ZSCAN5A: variants seen among roughly 807,000 people sequenced by gnomAD.
ZSCAN5A encodes zinc finger and SCAN domain containing 5A, also known as zinc finger and SCAN domain-containing protein 5A.
Under a neutral mutation model 23.7 loss-of-function variants are expected in ZSCAN5A, and 12 were observed. The ratio of observed to expected loss-of-function variants is 0.51; its 90% CI spans 0.32 to 0.82. The LOEUF (loss-of-function observed/expected upper bound fraction) is 0.82. ZSCAN5A is among the 40% of genes least tolerant of loss of function. The pLI, the probability that ZSCAN5A is intolerant of heterozygous loss-of-function variation, is 0.03. For synonymous variants in ZSCAN5A, 257 were observed against 239.9 expected, an observed-to-expected ratio of 1.07 and a Z score of -0.66; for missense variants, 597 against 617.9, an observed-to-expected ratio of 0.97 and a Z score of 0.36.
intron 2 of ZSCAN5A, among the ~76,000 whole-genome samples, chr19:56,231,781 GC>G (rs1308184011): frequency 6.6e-6 from 1 of 152,070 alleles, no homozygotes; most frequent in Admixed American, 6.6e-5. Flanking sequence ...TGGTTCCTGT[GC>G]CTGCATGTCC....
At chr19:56,266,942 C>T (rs2037520720) in intron 2 of ZSCAN5A, among the ~76,000 whole-genome samples, 1 of 152,166 alleles carries the variant, frequency 6.6e-6, no homozygotes, top group South Asian at 2.1e-4. Flanking sequence ...CCTCTCCTCC[C>T]TCCACATTCC....
At chr19:56,324,186 A>C (rs1280198744) in intron 2 of ZSCAN5A, among the ~76,000 whole-genome samples, 2 of 152,124 alleles carry the variant, frequency 1.3e-5, no homozygotes, top group African/African-American at 4.8e-5. Flanking sequence ...CATGAGATCC[A>C]TGTTTTTAGC....
intron 2 of ZSCAN5A, among the ~76,000 whole-genome samples, chr19:56,227,509 G>GA (rs1279392304): frequency 1.3e-5 from 2 of 152,054 alleles, no homozygotes; most frequent in African/African-American, 4.8e-5. Flanking sequence ...CTCTAAAAAA[G>GA]AAAGTGGTTT....
intron 2 of ZSCAN5A, among the ~76,000 whole-genome samples, chr19:56,238,365 G>A (rs1347807603): frequency 6.6e-6 from 1 of 152,068 alleles, no homozygotes; most frequent in East Asian, 1.9e-4. Flanking sequence ...CCATGAATAG[G>A]GATATGTAAA....
chr19:56,244,114 G>T, intron 2 of ZSCAN5A: 1 of 1,544,190 alleles, frequency 6.5e-7, no homozygotes, highest in South Asian at 1.1e-5. Context: ...AGCCGCCACA[G>T]TCTGTGGCTT....
At chr19:56,355,531 A>G (rs936993635) in intron 2 of ZSCAN5A, among the ~76,000 whole-genome samples, 9 of 149,028 alleles carry the variant, frequency 6.0e-5, no homozygotes, top group Admixed American at 1.3e-4. Flanking sequence ...ACAAGAAAAT[A>G]CTGGAAAAAC....
At chr19:56,326,793 T>C (rs2041438733) in intron 2 of ZSCAN5A, among the ~76,000 whole-genome samples, 1 of 152,126 alleles carries the variant, frequency 6.6e-6, no homozygotes, top group Non-Finnish European at 1.5e-5. Flanking sequence ...ATATGCAACA[T>C]ATTGATGCGC....
chr19:56,343,037 C>A (rs982928285), intron 2 of ZSCAN5A: 2 of 810,718 alleles, frequency 2.5e-6, no homozygotes, highest in Non-Finnish European at 4.4e-6. Flanking sequence ...TTCTTTCCCC[C>A]AGAACTGTCA....
chr19:56,365,382 C>G (rs1310263890), intron 1 of ZSCAN5A, among the ~76,000 whole-genome samples: 2 of 152,148 alleles, frequency 1.3e-5, no homozygotes, highest in Admixed American at 1.3e-4. Context: ...TCTGGGTTGG[C>G]AGGAAGTTTC....
At chr19:56,272,238 GT>G (rs1212243709) in intron 2 of ZSCAN5A, among the ~76,000 whole-genome samples, 1 of 152,174 alleles carries the variant, frequency 6.6e-6, no homozygotes, top group African/African-American at 2.4e-5. Context: ...TTGCTTTGTT[GT>G]TTTTCTGAAA....
At chr19:56,295,503 G>A (rs925848458) in intron 2 of ZSCAN5A, among the ~76,000 whole-genome samples, 12 of 152,098 alleles carry the variant, frequency 7.9e-5, no homozygotes, top group African/African-American at 2.9e-4. Context: ...GCTGAGGCAG[G>A]AGAATCGCTT....
intron 2 of ZSCAN5A, among the ~76,000 whole-genome samples, chr19:56,362,409 A>C (rs1439059024): frequency 2.6e-5 from 4 of 151,912 alleles, no homozygotes; most frequent in Non-Finnish European, 5.9e-5. Context: ...CTCTACTGAC[A>C]GTACAAAGAA....
At chr19:56,234,305 A>G (rs2034701050) in intron 2 of ZSCAN5A, among the ~76,000 whole-genome samples, 1 of 152,210 alleles carries the variant, frequency 6.6e-6, no homozygotes, top group Non-Finnish European at 1.5e-5. Flanking sequence ...TCAGGTCATA[A>G]AAAGAAAAGA....
At chr19:56,314,318 A>C (rs2041228237) in intron 1 of ZSCAN5A, 1 of 152,226 alleles carries the variant, frequency 6.6e-6, no homozygotes, top group Non-Finnish European at 1.5e-5. Context: ...GACCTAGTTA[A>C]CCTGGCGACA....
chr19:56,304,834 T>C (rs2040578400), intron 2 of ZSCAN5A: 2 of 983,616 alleles, frequency 2.0e-6, no homozygotes, highest in African/African-American at 3.5e-5. Context: ...ACATCAGGTA[T>C]GCTATGGCAG....
intron 2 of ZSCAN5A, chr19:56,320,595 A>G (rs2041365385): frequency 3.4e-6 from 2 of 585,496 alleles, no homozygotes; most frequent in Admixed American, 2.2e-5. Flanking sequence ...CTGGGTGACA[A>G]GAGCGAAATT....
chr19:56,366,238 C>A (rs1018177728), intron 1 of ZSCAN5A, among the ~76,000 whole-genome samples: 3 of 151,868 alleles, frequency 2.0e-5, no homozygotes, highest in African/African-American at 4.8e-5. Context: ...GGTCAGAGAT[C>A]GAGACCATCC....
intron 2 of ZSCAN5A, among the ~76,000 whole-genome samples, chr19:56,328,163 A>G (rs950505363): frequency 1.3e-5 from 2 of 152,064 alleles, no homozygotes; most frequent in Non-Finnish European, 2.9e-5. Flanking sequence ...GTGGATGGGG[A>G]TGTTTTTGGT....
intron 2 of ZSCAN5A, among the ~76,000 whole-genome samples, chr19:56,275,470 C>G (rs2146998127): frequency 6.6e-6 from 1 of 152,276 alleles, no homozygotes; most frequent in South Asian, 2.1e-4. Context: ...GTGGCTCAAG[C>G]CTTTAATCCC....
Sources: allele counts gnomAD v4.1 joint callset (sites outside exome capture counted in the v4.1 genomes callset), GRCh38; gene constraint gnomAD v4.1.1; transcripts MANE v1.5; gene names NCBI Gene and HGNC (gene_info 2026-07-23, HGNC 2026-07-21).